The following GPC6 variants were observed in gnomAD, a reference collection of about 807,000 sequenced individuals.
GPC6 encodes glypican 6.
In GPC6, 14 loss-of-function variants were observed where a neutral mutation model predicts 55.2. That is an observed-to-expected ratio of 0.25 (90% CI 0.17 to 0.40). The LOEUF (loss-of-function observed/expected upper bound fraction) is 0.40. GPC6 is among the 10% of genes least tolerant of loss of function. The pLI, the probability that GPC6 is intolerant of heterozygous loss-of-function variation, is 1.00. For synonymous variants in GPC6, 278 were observed against 259.6 expected (o/e 1.07, Z -0.68); for missense variants, 641 against 708.5 (o/e 0.90, Z 1.08).
intron 4 of GPC6, among the ~76,000 whole-genome samples, chr13:94,058,391 T>C (rs1022162233): frequency 1.3e-5 from 2 of 152,202 alleles, no homozygotes; most frequent in Non-Finnish European, 2.9e-5. Flanking sequence ...CATTCATGCA[T>C]TCATTTATTC....
chr13:93,901,705 A>C (rs990489175), intron 3 of GPC6, among the ~76,000 whole-genome samples: 17 of 152,068 alleles, frequency 1.1e-4, no homozygotes, highest in African/African-American at 4.1e-4. Flanking sequence ...ATTTGAGACC[A>C]GCCTGACCAA....
intron 3 of GPC6, among the ~76,000 whole-genome samples, chr13:93,932,038 A>C (rs1290625834): frequency 6.6e-6 from 1 of 152,196 alleles, no homozygotes; most frequent in Non-Finnish European, 1.5e-5. Context: ...TCAGATAAAA[A>C]TACCTTTGCA....
intron 4 of GPC6, among the ~76,000 whole-genome samples, chr13:94,165,271 T>TAC (rs1250793561): frequency 3.5e-4 from 50 of 144,182 alleles, no homozygotes; most frequent in African/African-American, 1.3e-3. Context: ...CATATATATA[T>TAC]ACACATATAT....
intron 2 of GPC6, among the ~76,000 whole-genome samples, chr13:93,764,583 A>AACACACACAC (rs10595180): frequency 2.7e-5 from 4 of 148,564 alleles, no homozygotes; most frequent in East Asian, 2.0e-4. Context: ...TAAAGATGTA[A>AACACACACAC]ACACACACAC....
intron 4 of GPC6, among the ~76,000 whole-genome samples, chr13:94,242,619 A>C (rs754634504): frequency 7.2e-5 from 11 of 152,126 alleles, no homozygotes; most frequent in Admixed American, 3.3e-4. Flanking sequence ...TGTGATGCAC[A>C]CTAAAGCTGG....
chr13:93,359,289 T>A (rs1051863713), intron 1 of GPC6, among the ~76,000 whole-genome samples: 9 of 152,030 alleles, frequency 5.9e-5, no homozygotes, highest in South Asian at 4.1e-4. Flanking sequence ...TAGAAAAAAA[T>A]AATAATAATA....
chr13:93,916,566 A>G (rs114902671), intron 3 of GPC6, among the ~76,000 whole-genome samples: 1,938 of 152,322 alleles, frequency 0.013, 51 homozygotes, highest in African/African-American at 0.043. Flanking sequence ...CAAAAGAGCA[A>G]CTGCCTGTAG....
chr13:93,771,745 A>G (rs1885306625), intron 2 of GPC6, among the ~76,000 whole-genome samples: 1 of 152,130 alleles, frequency 6.6e-6, no homozygotes, highest in Non-Finnish European at 1.5e-5. Context: ...AGTCAAGCAT[A>G]GGAGATCCAC....
At position 93,789,507 on chromosome 13, in the gene GPC6, C is replaced by CTATATA. The variant is rs1261981887; in HGVS notation, c.320-40646_320-40645insATATAT. On this transcript the variant is annotated intron_variant, in intron 2 of 8. Transcript: ENST00000377047. ...ACTCTCTCTCTCTCTCTCTCTCTCT[C>CTATATA]TCTATATATATATATATATATATAT... Among the ~76,000 whole-genome samples the CTATATA allele has an allele frequency of 2.6e-4, 23 of 89,958 alleles. No individual in the cohort carries two copies. In the South Asian group the frequency reaches 3.7e-3, roughly 15 times the overall value. The allele number at this position is 89,958 out of a possible 152,430, so 59.0% of individuals were successfully genotyped here.
rs1885669982 is a variant in GPC6, at chr13:94,096,715, T to A, written c.877+68821T>A. ...AGACTAATAAATTGGGAATTAGCCA[T>A]GTCTCTAGTTATAGGCAAACAGAAT... On this transcript the variant is annotated intron_variant, in intron 4 of 8. Transcript: ENST00000377047. Among the ~76,000 whole-genome samples the A allele has an allele frequency of 2.8e-5, 4 of 144,328 alleles. No homozygotes were observed. The South Asian group carries it at 8.7e-4, about 31-fold the overall frequency. The allele number at this position is 144,328 out of a possible 152,430, so 94.7% of individuals were successfully genotyped here.
intron 1 of GPC6, among the ~76,000 whole-genome samples, chr13:93,474,363 G>A (rs367644846): frequency 5.3e-5 from 8 of 152,216 alleles, no homozygotes; most frequent in East Asian, 1.9e-4. Flanking sequence ...CTGTAGATGA[G>A]CCCAGGTGTT....
At chr13:93,935,186 A>T (rs1488208551) in intron 3 of GPC6, among the ~76,000 whole-genome samples, 1 of 152,118 alleles carries the variant, frequency 6.6e-6, no homozygotes, top group Non-Finnish European at 1.5e-5. Context: ...AATGATAAGG[A>T]TTGAACTTCA....
At chr13:94,133,288 A>AAAAAAAC (rs1566447239) in intron 4 of GPC6, among the ~76,000 whole-genome samples, 1 of 127,460 alleles carries the variant, frequency 7.8e-6, no homozygotes, top group Non-Finnish European at 1.6e-5. Context: ...AAAAAAAAAA[A>AAAAAAAC]AAAACCTTAA....
At chr13:93,811,505 A>C (rs1425093650) in intron 2 of GPC6, among the ~76,000 whole-genome samples, 1 of 152,138 alleles carries the variant, frequency 6.6e-6, no homozygotes, top group Non-Finnish European at 1.5e-5. Flanking sequence ...GGTTAAGAAA[A>C]TGTTCTTAGA....
At chr13:94,065,016 G>C (rs1042132379) in intron 4 of GPC6, among the ~76,000 whole-genome samples, 1 of 152,032 alleles carries the variant, frequency 6.6e-6, no homozygotes, top group South Asian at 2.1e-4. Context: ...GGGAATTTTA[G>C]CATTTTCATA....
At chr13:94,161,501 T>C (rs951170110) in intron 4 of GPC6, among the ~76,000 whole-genome samples, 7 of 152,228 alleles carry the variant, frequency 4.6e-5, no homozygotes, top group African/African-American at 2.4e-5. Context: ...CATATATTTT[T>C]AACAAGACTT....
At chr13:93,217,458 A>G in the GPC6 span, among the ~76,000 whole-genome samples, 1 of 152,332 alleles carries the variant, frequency 6.6e-6, no homozygotes, top group Admixed American at 6.5e-5. Flanking sequence ...TTTCGAGTGT[A>G]AAAGTAAAAA....
intron 1 of GPC6, among the ~76,000 whole-genome samples, chr13:93,464,634 TG>T (rs1339737045): frequency 6.6e-6 from 1 of 152,192 alleles, no homozygotes; most frequent in Non-Finnish European, 1.5e-5. Flanking sequence ...ATGTCTCTGG[TG>T]ATTTTCTCCA....
In GPC6 at chr13:93,788,356, A is replaced by G. The variant is rs1010889538; in HGVS notation, c.320-41798A>G. Among the ~76,000 whole-genome samples, 5 of 151,894 alleles carry G rather than the reference A, an allele frequency of 3.3e-5. No homozygotes were observed. In the East Asian group the frequency reaches 9.7e-4, roughly 29 times the overall value. On this transcript the variant is annotated intron_variant, in intron 2 of 8. Transcript: ENST00000377047. ...CTTTATCTTATTCACAAGAAAGGAG[A>G]CCTCATGGCCTAATCACCTCTTAAA...
Sources: gnomAD v4.1 joint callset for allele counts (sites outside exome capture counted in the v4.1 genomes callset) on GRCh38, gnomAD v4.1.1 for gene constraint, MANE v1.5 for transcripts, NCBI Gene and HGNC (gene_info 2026-07-23, HGNC 2026-07-21) for gene names.